GRIA1: variants seen among roughly 807,000 people sequenced by gnomAD.
GRIA1 encodes glutamate receptor 1.
In GRIA1, 31 loss-of-function variants were observed where a neutral mutation model predicts 99.2. That is an observed-to-expected ratio of 0.31 (90% confidence interval 0.23 to 0.42). The LOEUF is 0.42. Ranked by LOEUF, GRIA1 falls within the 10% of genes least tolerant of loss-of-function variation. The pLI is 1.00. For missense variants in GRIA1, 782 were observed against 1,157.5 expected (o/e 0.68, Z 4.71); for synonymous variants, 438 against 432.4 (o/e 1.01, Z -0.16).
chr5:153,785,859 G>A (rs1030761722), intron 13 of GRIA1, among the ~76,000 whole-genome samples: 12 of 152,170 alleles, frequency 7.9e-5, no homozygotes, highest in East Asian at 5.8e-4. Flanking sequence ...CAGGTTTGCC[G>A]TCATACTAAG....
intron 8 of GRIA1, among the ~76,000 whole-genome samples, chr5:153,688,729 G>C (rs532575272): frequency 1.3e-5 from 2 of 151,270 alleles, no homozygotes; most frequent in African/African-American, 4.9e-5. Flanking sequence ...TTCTTTTTTT[G>C]TTTTTTTGGA....
At chr5:153,666,989 C>G in intron 5 of GRIA1, among the ~76,000 whole-genome samples, 1 of 151,942 alleles carries the variant, frequency 6.6e-6, no homozygotes, top group East Asian at 1.9e-4. Context: ...CTGATAATTC[C>G]CACTTTTAAA....
intron 11 of GRIA1, among the ~76,000 whole-genome samples, chr5:153,735,138 A>G (rs1761296019): frequency 6.6e-6 from 1 of 152,232 alleles, no homozygotes; most frequent in African/African-American, 2.4e-5. Flanking sequence ...AGGTTGAGAA[A>G]TCCTGTAAGC....
chr5:153,788,407 A>G (rs1205239621), intron 13 of GRIA1, among the ~76,000 whole-genome samples: 1 of 152,088 alleles, frequency 6.6e-6, no homozygotes, highest in Non-Finnish European at 1.5e-5. Context: ...AGAACTTATT[A>G]ACTTGGTTTA....
chr5:153,554,049 A>G (rs1008428160), intron 2 of GRIA1, among the ~76,000 whole-genome samples: 2 of 152,212 alleles, frequency 1.3e-5, no homozygotes, highest in Non-Finnish European at 2.9e-5. Context: ...GAGCTGATAC[A>G]TAGAGAAAAA....
At chr5:153,737,918 C>A (rs1178296624) in intron 11 of GRIA1, among the ~76,000 whole-genome samples, 1 of 152,136 alleles carries the variant, frequency 6.6e-6, no homozygotes. Context: ...CCAGGGCCTA[C>A]CCCATTTCTT....
At chr5:153,727,089 A>G (rs1207677553) in intron 11 of GRIA1, among the ~76,000 whole-genome samples, 1 of 152,184 alleles carries the variant, frequency 6.6e-6, no homozygotes, top group Non-Finnish European at 1.5e-5. Context: ...AATATATGCA[A>G]ATCACTAAAT....
chr5:153,620,766 T>C (rs1489594316), intron 2 of GRIA1, among the ~76,000 whole-genome samples: 1 of 152,236 alleles, frequency 6.6e-6, no homozygotes, highest in African/African-American at 2.4e-5. Context: ...GTAAATGGTA[T>C]AATCCAAGGT....
intron 2 of GRIA1, among the ~76,000 whole-genome samples, chr5:153,563,650 G>A (rs1761352681): frequency 6.6e-6 from 1 of 152,192 alleles, no homozygotes; most frequent in Admixed American, 6.5e-5. Flanking sequence ...TGGTTGTGGA[G>A]CAGATCAAAA....
chr5:153,662,498 T>G (rs1755442201), intron 5 of GRIA1, among the ~76,000 whole-genome samples: 2 of 152,158 alleles, frequency 1.3e-5, no homozygotes, highest in African/African-American at 4.8e-5. Flanking sequence ...CCGCCTCAGC[T>G]GTGGGGTGTC....
intron 2 of GRIA1, among the ~76,000 whole-genome samples, chr5:153,519,998 T>A (rs1756990386): frequency 6.6e-6 from 1 of 152,154 alleles, no homozygotes; most frequent in Non-Finnish European, 1.5e-5. Flanking sequence ...AGAGGCAAAG[T>A]AAAGAGATGT....
At chr5:153,623,689 G>A (rs1024910284) in intron 2 of GRIA1, among the ~76,000 whole-genome samples, 2 of 152,202 alleles carry the variant, frequency 1.3e-5, no homozygotes, top group East Asian at 3.8e-4. Flanking sequence ...GGATCCATAT[G>A]TATTGAGTCA....
chr5:153,682,702 C>T (rs868268280), intron 7 of GRIA1, among the ~76,000 whole-genome samples: 10 of 152,302 alleles, frequency 6.6e-5, no homozygotes, highest in East Asian at 1.9e-4. Flanking sequence ...TATATTCCCA[C>T]GGGCCCATGC....
At chr5:153,722,614 A>C (rs777561618) in intron 11 of GRIA1, among the ~76,000 whole-genome samples, 1 of 152,176 alleles carries the variant, frequency 6.6e-6, no homozygotes, top group Non-Finnish European at 1.5e-5. Context: ...CAGTTACCAA[A>C]TACATGCAGG....
At chr5:153,497,833 C>T (rs975943897) in intron 2 of GRIA1, among the ~76,000 whole-genome samples, 3 of 152,128 alleles carry the variant, frequency 2.0e-5, no homozygotes, top group Non-Finnish European at 4.4e-5. Context: ...CCCTGGAGTA[C>T]TTTATCCATA....
At chr5:153,532,465 C>T (rs1275988933) in intron 2 of GRIA1, among the ~76,000 whole-genome samples, 1 of 152,154 alleles carries the variant, frequency 6.6e-6, no homozygotes, top group Non-Finnish European at 1.5e-5. Context: ...GGCAGACACC[C>T]AATAGACAGG....
intron 11 of GRIA1, among the ~76,000 whole-genome samples, chr5:153,707,603 G>A (rs956303628): frequency 2.0e-5 from 3 of 152,142 alleles, no homozygotes; most frequent in Admixed American, 6.5e-5. Context: ...GGAGGCATAA[G>A]TGCATAATAT....
At chr5:153,609,555 CTTTTTTT>C (rs3036982) in intron 2 of GRIA1, among the ~76,000 whole-genome samples, 4 of 84,346 alleles carry the variant, frequency 4.7e-5, no homozygotes, top group Admixed American at 3.0e-4. Context: ...AGACTCTTTT[CTTTTTTT>C]TTTTTTTTTT....
At position 153,716,560 on chromosome 5, in the gene GRIA1, CAGG is replaced by C. The variant is rs1759681291; in HGVS notation, c.1823+10496_1823+10498del. On this transcript the variant is annotated intron_variant, in intron 11 of 15. Coordinates refer to ENST00000285900, the MANE Select transcript of GRIA1 (RefSeq NM_000827.4). Reference sequence around the variant, plus strand: ...TCCTGAGGGAGCAGAGGCGAGCACCCAGGAGAACATTTTGCCCCCACCAAGATC... The same window carrying C: ...TCCTGAGGGAGCAGAGGCGAGCACCCAGAACATTTTGCCCCCACCAAGATC... Among the ~76,000 whole-genome samples, 4 of 152,180 alleles carry C rather than the reference CAGG, an allele frequency of 2.6e-5. No homozygotes were observed. In the South Asian group the frequency reaches 8.4e-4, roughly 32 times the overall value.
Sources: allele counts gnomAD v4.1 joint callset (sites outside exome capture counted in the v4.1 genomes callset), GRCh38; gene constraint gnomAD v4.1.1; transcripts MANE v1.5; gene names NCBI Gene and HGNC (gene_info 2026-07-23, HGNC 2026-07-21).